Variants in MAP1LC3B2 observed in about 807,000 individuals in gnomAD.
MAP1LC3B2 encodes the protein microtubule associated protein 1 light chain 3 beta 2, also known as microtubule-associated protein 1 light chain 3 beta 2.
For missense variants in MAP1LC3B2, 155 were observed against 154.6 expected (o/e 1.00, Z -0.01); for synonymous variants, 62 against 57.8 (o/e 1.07, Z -0.33).
intron 1 of MAP1LC3B2, among the ~76,000 whole-genome samples, chr12:116,561,279 T>TA (rs547713419): frequency 0.075 from 10,261 of 136,550 alleles, 740 homozygotes; most frequent in African/African-American, 0.2. Context: ...TGTCTCAAAA[T>TA]AAAAAAAAAA....
chr12:116,571,671 C>T (rs1869538817), intron 1 of MAP1LC3B2, among the ~76,000 whole-genome samples: 1 of 151,056 alleles, frequency 6.6e-6, no homozygotes, highest in African/African-American at 2.4e-5. Flanking sequence ...TTAGTAGAGA[C>T]GGGATTTCAC....
At chr12:116,566,283 T>A (rs1335995222) in intron 1 of MAP1LC3B2, among the ~76,000 whole-genome samples, 2 of 152,188 alleles carry the variant, frequency 1.3e-5, no homozygotes, top group African/African-American at 4.8e-5. Flanking sequence ...GGAAGCACCT[T>A]GCCTGAAAGA....
intron 1 of MAP1LC3B2, among the ~76,000 whole-genome samples, chr12:116,563,074 G>T (rs1477256131): frequency 6.6e-6 from 1 of 152,176 alleles, no homozygotes; most frequent in Non-Finnish European, 1.5e-5. Flanking sequence ...CGATTCTTCT[G>T]CCTCAGCCTC....
At chr12:116,567,448 C>CTT (rs35722581) in intron 1 of MAP1LC3B2, among the ~76,000 whole-genome samples, 144 of 127,792 alleles carry the variant, frequency 1.1e-3, no homozygotes, top group South Asian at 2.3e-3. Context: ...CTTTGCAAAT[C>CTT]TTTTTTTTTT....
chr12:116,571,908 G>T (rs1279233348), intron 1 of MAP1LC3B2, among the ~76,000 whole-genome samples: 6 of 148,052 alleles, frequency 4.1e-5, no homozygotes, highest in South Asian at 2.1e-4. Context: ...TTTTTTAATG[G>T]TCATAGCTGT....
intron 1 of MAP1LC3B2, among the ~76,000 whole-genome samples, chr12:116,564,559 G>T (rs1009638028): frequency 1.4e-4 from 22 of 152,188 alleles, no homozygotes; most frequent in African/African-American, 4.8e-4. Flanking sequence ...GCTAAGATTT[G>T]AATGTCCCCC....
At chr12:116,570,429 G>A (rs1348360621) in intron 1 of MAP1LC3B2, among the ~76,000 whole-genome samples, 1 of 152,162 alleles carries the variant, frequency 6.6e-6, no homozygotes, top group Non-Finnish European at 1.5e-5. Flanking sequence ...GTTTAAAGTA[G>A]GCTAGGTGAT....
At chr12:116,561,606 G>A (rs1869273475) in intron 1 of MAP1LC3B2, among the ~76,000 whole-genome samples, 1 of 152,132 alleles carries the variant, frequency 6.6e-6, no homozygotes, top group African/African-American at 2.4e-5. Context: ...AGGGTCCCTG[G>A]TTGTAGATAA....
intron 1 of MAP1LC3B2, 135 bp downstream of exon 1, chr12:116,559,568 C>T (rs560889551): frequency 5.9e-5 from 9 of 152,402 alleles, no homozygotes; most frequent in Non-Finnish European, 1.3e-4. Context: ...CACAAAAGTC[C>T]CCACAGCCTC....
At chr12:116,562,880 G>T (rs1278514971) in intron 1 of MAP1LC3B2, among the ~76,000 whole-genome samples, 5 of 152,168 alleles carry the variant, frequency 3.3e-5, no homozygotes, top group Admixed American at 3.3e-4. Context: ...ACTTATTTAT[G>T]ATTTCTGGCA....
chr12:116,568,763 C>G (rs534553412), intron 1 of MAP1LC3B2, among the ~76,000 whole-genome samples: 5 of 152,236 alleles, frequency 3.3e-5, no homozygotes, highest in African/African-American at 1.2e-4. Flanking sequence ...CATGTGATGC[C>G]CTCCACCATG....
chr12:116,572,425 C>T (rs1869560899), intron 1 of MAP1LC3B2, among the ~76,000 whole-genome samples: 1 of 150,262 alleles, frequency 6.7e-6, no homozygotes, highest in African/African-American at 2.5e-5. Flanking sequence ...AGTGCGGCGG[C>T]GTGATCTCAG....
intron 1 of MAP1LC3B2, among the ~76,000 whole-genome samples, chr12:116,570,653 T>C (rs937796445): frequency 2.0e-5 from 3 of 152,198 alleles, no homozygotes; most frequent in African/African-American, 4.8e-5. Flanking sequence ...CCTGCTGCCA[T>C]GTAAGATGTG....
At chr12:116,572,369 C>CT (rs34609295) in intron 1 of MAP1LC3B2, among the ~76,000 whole-genome samples, 4,443 of 146,786 alleles carry the variant, frequency 0.03, 204 homozygotes, top group African/African-American at 0.097. Context: ...TGCCTCAGTT[C>CT]TTTTTTTTTT....
chr12:116,573,700 A>G (rs1869599802), intron 1 of MAP1LC3B2, among the ~76,000 whole-genome samples: 4 of 152,028 alleles, frequency 2.6e-5, no homozygotes, highest in South Asian at 4.2e-4. Context: ...TGTTTTTAGT[A>G]GAGATGGGGT....
chr12:116,576,524 A>G lies in MAP1LC3B2; in HGVS notation c.*204A>G. The G allele has an allele frequency of 1.7e-6, 1 of 597,052 alleles. No homozygotes were observed. Among genetic ancestry groups the G allele is most frequent in the East Asian group, 2.9e-5 (1 of 34,108 alleles). The allele number at this position is 597,052 out of a possible 1,614,324, so 37.0% of individuals were successfully genotyped here. On this transcript the variant is annotated 3_prime_UTR_variant, in exon 2 of 2. Coordinates refer to ENST00000556529, the MANE Select transcript of MAP1LC3B2 (RefSeq NM_001085481.3). The stretch of plus-strand genomic sequence containing the variant: ...GTGAGCACATTCAGCTTTGGAAACT[A>G]TATTATTTAATGTAGGCTAGCTTGT...
intron 1 of MAP1LC3B2, among the ~76,000 whole-genome samples, chr12:116,573,432 A>G (rs534748130): frequency 1.3e-5 from 2 of 152,362 alleles, no homozygotes; most frequent in African/African-American, 4.8e-5. Context: ...TAAAAGCAGA[A>G]CCATGGCAAA....
intron 1 of MAP1LC3B2, among the ~76,000 whole-genome samples, chr12:116,573,739 A>G (rs1869600744): frequency 6.6e-6 from 1 of 152,072 alleles, no homozygotes; most frequent in African/African-American, 2.4e-5. Flanking sequence ...CTGGTCTCAA[A>G]TTCCTGATTT....
chr12:116,572,273 ACT>A (rs993809951), intron 1 of MAP1LC3B2, among the ~76,000 whole-genome samples: 6 of 151,832 alleles, frequency 4.0e-5, no homozygotes, highest in African/African-American at 7.3e-5. Flanking sequence ...GGTATCTGTT[ACT>A]CTTTGTCCAG....
Sources: gnomAD v4.1 joint callset for allele counts (sites outside exome capture counted in the v4.1 genomes callset) on GRCh38, gnomAD v4.1.1 for gene constraint, MANE v1.5 for transcripts, NCBI Gene and HGNC (gene_info 2026-07-23, HGNC 2026-07-21) for gene names.